Variants in VPS41 observed in about 807,000 individuals in gnomAD.
VPS41 encodes vacuolar protein sorting-associated protein 41 homolog.
VPS41 carries 85 observed loss-of-function variants against 130.9 expected under a neutral mutation model. The ratio of observed to expected loss-of-function variants is 0.65; its 90% CI spans 0.55 to 0.78. The LOEUF (loss-of-function observed/expected upper bound fraction) is 0.78. Ranked by LOEUF, VPS41 falls within the 30% of genes least tolerant of loss-of-function variation. The probability of loss-of-function intolerance (pLI) is 0.00; values close to 1 mark genes in which losing one functional copy is unlikely to be tolerated. For synonymous variants in VPS41, 335 were observed against 332.9 expected (o/e 1.01, Z -0.07); for missense variants, 874 against 1,018.7 (o/e 0.86, Z 1.93).
At chr7:38,894,463 G>A (rs1288841928) in intron 2 of VPS41, among the ~76,000 whole-genome samples, 2 of 151,902 alleles carry the variant, frequency 1.3e-5, no homozygotes, top group African/African-American at 2.4e-5. Context: ...TTGGGGGGAA[G>A]TGGGGGAGGA....
chr7:38,845,425 G>A (rs1166757199), intron 4 of VPS41, among the ~76,000 whole-genome samples: 4 of 152,130 alleles, frequency 2.6e-5, no homozygotes, highest in Non-Finnish European at 5.9e-5. Flanking sequence ...TCACCTTCCG[G>A]GATGCTACAA....
At chr7:38,833,205 A>T (rs186988917) in intron 4 of VPS41, among the ~76,000 whole-genome samples, 1 of 152,286 alleles carries the variant, frequency 6.6e-6, no homozygotes, top group East Asian at 1.9e-4. Context: ...CTGGTCCATC[A>T]TTCTCATATG....
chr7:38,796,933 A>G, intron 7 of VPS41, 69 bp from the exon 8 acceptor site: 1 of 1,580,432 alleles, frequency 6.3e-7, no homozygotes, highest in Non-Finnish European at 8.7e-7. Flanking sequence ...TTTACTTACT[A>G]GTTTTACCTA....
At chr7:38,811,576 T>A (rs554050379) in intron 7 of VPS41, among the ~76,000 whole-genome samples, 1 of 151,544 alleles carries the variant, frequency 6.6e-6, no homozygotes, top group South Asian at 2.1e-4. Flanking sequence ...TATCACACTT[T>A]TAAAAGACTT....
chr7:38,744,174 G>A (rs1795941717), intron 23 of VPS41, among the ~76,000 whole-genome samples: 1 of 152,068 alleles, frequency 6.6e-6, no homozygotes, highest in Admixed American at 6.6e-5. Flanking sequence ...GCCTTCTATT[G>A]GCTAATTGTC....
At chr7:38,890,352 C>T (rs936196173) in intron 2 of VPS41, among the ~76,000 whole-genome samples, 6 of 152,128 alleles carry the variant, frequency 3.9e-5, no homozygotes, top group African/African-American at 1.4e-4. Context: ...AGATGGAGAA[C>T]AGATTAGTAG....
chr7:38,765,841 T>C (rs1056930988), intron 15 of VPS41, 180 bp from the exon 16 acceptor site: 4 of 489,838 alleles, frequency 8.2e-6, no homozygotes, highest in Non-Finnish European at 1.4e-5. Flanking sequence ...ACTCATTTGG[T>C]TGCATACATA....
chr7:38,751,019 A>C (rs1783662140), intron 22 of VPS41, among the ~76,000 whole-genome samples: 1 of 152,252 alleles, frequency 6.6e-6, no homozygotes, highest in Non-Finnish European at 1.5e-5. Flanking sequence ...CTTTTAGAGT[A>C]AGATAATGAA....
intron 22 of VPS41, among the ~76,000 whole-genome samples, chr7:38,749,283 T>C (rs1248332754): frequency 6.6e-6 from 1 of 152,148 alleles, no homozygotes; most frequent in African/African-American, 2.4e-5. Context: ...TCTTGAAGAT[T>C]TCAATCAGTT....
At chr7:38,771,721 G>GA (rs1213626893) in intron 13 of VPS41, among the ~76,000 whole-genome samples, 14 of 152,032 alleles carry the variant, frequency 9.2e-5, no homozygotes, top group Admixed American at 9.2e-4. Context: ...TTAAGTCTTT[G>GA]AAAAATCTCT....
intron 3 of VPS41, among the ~76,000 whole-genome samples, chr7:38,865,436 A>AC (rs78239524): frequency 1.5e-3 from 118 of 79,420 alleles, no homozygotes; most frequent in African/African-American, 5.6e-3. Context: ...AAACACACAC[A>AC]AAAAAAAACA....
At chr7:38,846,611 T>C (rs112241540) in intron 4 of VPS41, among the ~76,000 whole-genome samples, 154 of 152,240 alleles carry the variant, frequency 1.0e-3, no homozygotes, top group Non-Finnish European at 2.0e-3. Flanking sequence ...GTCGAGTGTT[T>C]TCAGGGAGGG....
intron 7 of VPS41, among the ~76,000 whole-genome samples, chr7:38,813,561 A>C (rs1784984918): frequency 6.6e-6 from 1 of 152,192 alleles, no homozygotes; most frequent in Non-Finnish European, 1.5e-5. Context: ...AAAACAGCTA[A>C]AAAAATAATG....
intron 1 of VPS41, among the ~76,000 whole-genome samples, chr7:38,906,090 G>A (rs868103002): frequency 1.3e-5 from 2 of 151,568 alleles, no homozygotes; most frequent in Non-Finnish European, 2.9e-5. Context: ...GCCACCGCAC[G>A]CAGCCCTATT....
chr7:38,818,378 G>A (rs949816586), intron 6 of VPS41, among the ~76,000 whole-genome samples: 2 of 152,092 alleles, frequency 1.3e-5, no homozygotes, highest in African/African-American at 4.8e-5. Context: ...CATCAATGGA[G>A]AGAGAACAGA....
chr7:38,850,435 C>T (rs1462298564), intron 4 of VPS41, among the ~76,000 whole-genome samples: 2 of 152,050 alleles, frequency 1.3e-5, no homozygotes, highest in Non-Finnish European at 2.9e-5. Flanking sequence ...AACATTTTAA[C>T]AAAAATATAT....
At chr7:38,771,690 C>T (rs1160628685) in intron 13 of VPS41, among the ~76,000 whole-genome samples, 1 of 152,136 alleles carries the variant, frequency 6.6e-6, no homozygotes, top group Non-Finnish European at 1.5e-5. Flanking sequence ...GAACTATACG[C>T]ATGTTTATGT....
chr7:38,749,738 G>A lies in VPS41; in HGVS notation c.1926+2438C>T, dbSNP rs74367934. Reference sequence around the variant, plus strand: ...CCCTTTACTAGCAAGCTTGGGATGCGTTTAATTGGAGAAATCCACTTTGTC... The same window carrying A: ...CCCTTTACTAGCAAGCTTGGGATGCATTTAATTGGAGAAATCCACTTTGTC... On this transcript the variant is annotated intron_variant, in intron 22 of 28. Coordinates refer to ENST00000310301, the MANE Select transcript of VPS41 (RefSeq NM_014396.4). Among the ~76,000 whole-genome samples, 996 of 152,270 alleles carry A rather than the reference G, an allele frequency of 6.5e-3. 10 individuals carry two copies. The highest frequency in any genetic ancestry group is 0.027 in the Middle Eastern group (8 of 294).
chr7:38,805,296 A>G (rs2116035796), intron 7 of VPS41, among the ~76,000 whole-genome samples: 1 of 152,328 alleles, frequency 6.6e-6, no homozygotes, highest in South Asian at 2.1e-4. Context: ...GCACTTCAGG[A>G]GGCTGAGGTG....
Sources: allele counts gnomAD v4.1 joint callset (sites outside exome capture counted in the v4.1 genomes callset), GRCh38; gene constraint gnomAD v4.1.1; transcripts MANE v1.5; gene names NCBI Gene and HGNC (gene_info 2026-07-23, HGNC 2026-07-21).